HMBOX1: variants seen among roughly 807,000 people sequenced by gnomAD.
HMBOX1 encodes the protein homeobox-containing protein 1.
In HMBOX1, 14 loss-of-function variants were observed where a neutral mutation model predicts 54.5. The observed-to-expected ratio is 0.26, with a 90% CI of 0.17 to 0.40. The LOEUF (loss-of-function observed/expected upper bound fraction) is 0.40, where lower values mean the gene tolerates loss of function less well. Among genes scored for constraint, HMBOX1 ranks in the 10% least tolerant of loss-of-function variants. HMBOX1 has a pLI of 1.00. For synonymous variants in HMBOX1, 160 were observed against 181.0 expected (o/e 0.88, Z 0.93); for missense variants, 332 against 514.4 (o/e 0.65, Z 3.43).
chr8:28,999,349 G>A (rs1372562315), intron 4 of HMBOX1, among the ~76,000 whole-genome samples: 1 of 152,122 alleles, frequency 6.6e-6, no homozygotes, highest in African/African-American at 2.4e-5. Context: ...AACAATTTAT[G>A]ATGTGTCTAG....
intron 6 of HMBOX1, among the ~76,000 whole-genome samples, chr8:29,037,282 A>G (rs771596645): frequency 2.0e-5 from 3 of 152,232 alleles, no homozygotes; most frequent in African/African-American, 7.2e-5. Context: ...TTTGCAAAAC[A>G]AACTTTTAAA....
In HMBOX1 at chr8:29,051,841, T is replaced by C. The variant is rs565927970; in HGVS notation, c.*686T>C. Reference sequence around the variant, plus strand: ...AAGCTGTGTGACTTAGTAGATAAAATACTGCCTTCTGCCTTTGGGACCATG... The same window carrying C: ...AAGCTGTGTGACTTAGTAGATAAAACACTGCCTTCTGCCTTTGGGACCATG... On this transcript the variant is annotated 3_prime_UTR_variant, in exon 10 of 10. Transcript: ENST00000287701. The C allele has an allele frequency of 2.8e-6, 1 of 356,264 alleles. No individual in the cohort carries two copies. Among genetic ancestry groups the C allele is most frequent in the African/African-American group, 2.1e-5 (1 of 46,708 alleles). 22.1% of individuals were successfully genotyped at this position (356,264 alleles called of 1,614,324 possible). A position where few individuals can be genotyped will look rare whatever the true frequency, so the allele number is the denominator to read the frequency against.
At chr8:29,020,335 A>G (rs948752884) in intron 6 of HMBOX1, among the ~76,000 whole-genome samples, 8 of 152,190 alleles carry the variant, frequency 5.3e-5, no homozygotes, top group African/African-American at 1.9e-4. Flanking sequence ...ATTTATCACA[A>G]AATGTCATCA....
chr8:28,982,037 A>G (rs1829418290), intron 4 of HMBOX1, among the ~76,000 whole-genome samples: 1 of 152,070 alleles, frequency 6.6e-6, no homozygotes, highest in African/African-American at 2.4e-5. Flanking sequence ...GGAGATCAAG[A>G]CCATCCTGGC....
chr8:29,002,786 T>C (rs1276495168), intron 4 of HMBOX1, among the ~76,000 whole-genome samples: 1 of 152,226 alleles, frequency 6.6e-6, no homozygotes, highest in East Asian at 1.9e-4. Context: ...TGTGGTTTCA[T>C]TTCAGTTATT....
intron 1 of HMBOX1, among the ~76,000 whole-genome samples, chr8:28,942,134 G>A (rs756164926): frequency 2.0e-5 from 3 of 152,272 alleles, no homozygotes; most frequent in East Asian, 3.9e-4. Flanking sequence ...AGGGTGCCCC[G>A]GAGGTGCCAG....
intron 1 of HMBOX1, among the ~76,000 whole-genome samples, chr8:28,936,932 A>G (rs1490358776): frequency 2.0e-5 from 3 of 152,108 alleles, no homozygotes; most frequent in African/African-American, 4.8e-5. Context: ...ATTTTGTTCA[A>G]TTAATACAAT....
At chr8:29,018,558 G>T (rs573702736) in intron 5 of HMBOX1, among the ~76,000 whole-genome samples, 9 of 152,188 alleles carry the variant, frequency 5.9e-5, no homozygotes, top group African/African-American at 1.9e-4. Context: ...GTTAGTAAAA[G>T]ATTCTGAACA....
intron 2 of HMBOX1, among the ~76,000 whole-genome samples, chr8:28,968,680 A>G (rs1269767730): frequency 2.0e-5 from 3 of 152,228 alleles, no homozygotes; most frequent in Non-Finnish European, 4.4e-5. Context: ...GAGACCTTCA[A>G]TAGCTATAGG....
chr8:28,914,054 G>A (rs540931193), intron 1 of HMBOX1, among the ~76,000 whole-genome samples: 1 of 151,998 alleles, frequency 6.6e-6, no homozygotes, highest in Non-Finnish European at 1.5e-5. Context: ...TATTTTTAGA[G>A]ACGGGGTTTC....
intron 4 of HMBOX1, among the ~76,000 whole-genome samples, chr8:29,004,809 A>C (rs532963244): frequency 6.6e-6 from 1 of 152,220 alleles, no homozygotes; most frequent in South Asian, 2.1e-4. Context: ...CCTGAGAAAA[A>C]GTATCAAAGC....
At chr8:29,050,307 C>A in intron 9 of HMBOX1, 1 of 724,584 alleles carries the variant, frequency 1.4e-6, no homozygotes, top group Non-Finnish European at 1.7e-6. Context: ...GACGTACATC[C>A]TGCAATGCCA....
intron 1 of HMBOX1, among the ~76,000 whole-genome samples, chr8:28,954,932 G>A (rs995558911): frequency 4.6e-5 from 7 of 151,984 alleles, no homozygotes; most frequent in African/African-American, 9.7e-5. Context: ...AGGGTAGAAC[G>A]AGCCATCTTG....
chr8:28,911,046 T>C (rs947898444), intron 1 of HMBOX1, among the ~76,000 whole-genome samples: 13 of 152,242 alleles, frequency 8.5e-5, no homozygotes, highest in Non-Finnish European at 1.8e-4. Context: ...CTGGTGGTTG[T>C]ACTGGGGGAG....
At chr8:28,912,330 T>G (rs1416612733) in intron 1 of HMBOX1, among the ~76,000 whole-genome samples, 1 of 152,154 alleles carries the variant, frequency 6.6e-6, no homozygotes, top group African/African-American at 2.4e-5. Flanking sequence ...GTACTCCATC[T>G]TATTAGTATT....
intron 1 of HMBOX1, among the ~76,000 whole-genome samples, chr8:28,936,873 TA>T (rs891765755): frequency 4.5e-4 from 66 of 147,454 alleles, no homozygotes; most frequent in Admixed American, 5.4e-4. Flanking sequence ...CAAGAAAGAT[TA>T]AAAAAAAAAT....
intron 3 of HMBOX1, among the ~76,000 whole-genome samples, chr8:28,974,002 C>T (rs530730850): frequency 7.3e-5 from 11 of 151,478 alleles, no homozygotes; most frequent in Admixed American, 4.6e-4. Context: ...TTAGTAGAGA[C>T]GGGATTTTAC....
At chr8:29,006,014 A>G (rs1833404253) in intron 4 of HMBOX1, among the ~76,000 whole-genome samples, 1 of 126,980 alleles carries the variant, frequency 7.9e-6, no homozygotes. Flanking sequence ...TTTTTTTGAG[A>G]CAGAGTGTCA....
intron 1 of HMBOX1, among the ~76,000 whole-genome samples, chr8:28,905,461 G>A (rs1393894593): frequency 6.6e-6 from 1 of 152,206 alleles, no homozygotes; most frequent in Non-Finnish European, 1.5e-5. Flanking sequence ...CCCCAAGTTG[G>A]TAGGATTTGT....
Sources: allele counts gnomAD v4.1 joint callset (sites outside exome capture counted in the v4.1 genomes callset), GRCh38; gene constraint gnomAD v4.1.1; transcripts MANE v1.5; gene names NCBI Gene and HGNC (gene_info 2026-07-23, HGNC 2026-07-21).